The following ESRRB variants were observed in gnomAD, a reference collection of about 807,000 sequenced individuals.
ESRRB encodes the protein estrogen related receptor beta, also known as steroid hormone receptor ERR2.
A neutral mutation model predicts 46.0 loss-of-function variants in ESRRB; 16 were observed. The observed-to-expected ratio is 0.35, with a 90% CI of 0.24 to 0.53. The LOEUF (loss-of-function observed/expected upper bound fraction) is 0.53, where lower values mean the gene tolerates loss of function less well. Among genes scored for constraint, ESRRB ranks in the 20% least tolerant of loss-of-function variants. The pLI is 0.93. For missense variants in ESRRB, 488 were observed against 607.4 expected (o/e 0.80, Z 2.07); for synonymous variants, 246 against 259.6 (o/e 0.95, Z 0.50).
At chr14:76,356,788 A>G (rs1047198510) in intron 1 of ESRRB, among the ~76,000 whole-genome samples, 2 of 152,218 alleles carry the variant, frequency 1.3e-5, no homozygotes, top group African/African-American at 2.4e-5. Flanking sequence ...CCATCAGCGC[A>G]TGGTCCTGCA....
intron 1 of ESRRB, among the ~76,000 whole-genome samples, chr14:76,361,396 C>A (rs1354030840): frequency 6.6e-6 from 1 of 152,150 alleles, no homozygotes; most frequent in East Asian, 1.9e-4. Flanking sequence ...ATTAAATAGC[C>A]ATTATCTCTC....
At chr14:76,357,647 G>A (rs1884398508) in intron 1 of ESRRB, among the ~76,000 whole-genome samples, 1 of 152,148 alleles carries the variant, frequency 6.6e-6, no homozygotes. Flanking sequence ...CCAAGTAGCT[G>A]GTACTATGGC....
chr14:76,444,317 G>A (rs1471741260), intron 2 of ESRRB, among the ~76,000 whole-genome samples: 1 of 152,116 alleles, frequency 6.6e-6, no homozygotes, highest in Non-Finnish European at 1.5e-5. Flanking sequence ...ATAGGCGTGA[G>A]CCACCATACC....
At chr14:76,397,250 C>T (rs796378490) in intron 1 of ESRRB, among the ~76,000 whole-genome samples, 16 of 152,318 alleles carry the variant, frequency 1.1e-4, no homozygotes, top group African/African-American at 3.8e-4. Flanking sequence ...GGCCTGAGCC[C>T]CCCATCTTAC....
At chr14:76,330,128 C>T (rs999852504) in intron 1 of ESRRB, among the ~76,000 whole-genome samples, 1 of 152,068 alleles carries the variant, frequency 6.6e-6, no homozygotes, top group Non-Finnish European at 1.5e-5. Flanking sequence ...CTCTGTGTAC[C>T]CATTCCCCAC....
chr14:76,350,189 C>T (rs1884297268), intron 1 of ESRRB, among the ~76,000 whole-genome samples: 1 of 152,170 alleles, frequency 6.6e-6, no homozygotes, highest in Admixed American at 6.5e-5. Flanking sequence ...TGCTCCTCTC[C>T]CTCCCACATA....
intron 3 of ESRRB, among the ~76,000 whole-genome samples, chr14:76,468,390 G>GCC (rs11310778): frequency 9.9e-6 from 1 of 101,132 alleles, no homozygotes; most frequent in Non-Finnish European, 2.0e-5. Flanking sequence ...TACACACACT[G>GCC]CCCCCCCCCC....
chr14:76,393,697 G>A (rs1308724414), intron 1 of ESRRB, among the ~76,000 whole-genome samples: 1 of 152,210 alleles, frequency 6.6e-6, no homozygotes, highest in African/African-American at 2.4e-5. Flanking sequence ...GCAGATGCCT[G>A]CAAGACTTGA....
rs759483220 is a variant in ESRRB, at chr14:76,498,489, C to T, written c.*31C>T. On this transcript the variant is annotated 3_prime_UTR_variant, in exon 7 of 7. Transcript: ENST00000644823. The stretch of plus-strand genomic sequence containing the variant: ...CCGCACACGGACCAATGCCCACCTA[C>T]AGACAGACAAACGGACAGACCGAGG... The T allele has an allele frequency of 9.9e-6, 16 of 1,612,904 alleles. No individual in the cohort carries two copies. The highest frequency in any genetic ancestry group is 1.4e-5 in the Non-Finnish European group (16 of 1,179,982).
intron 1 of ESRRB, among the ~76,000 whole-genome samples, chr14:76,342,085 G>A (rs1248296108): frequency 6.6e-6 from 1 of 152,186 alleles, no homozygotes; most frequent in African/African-American, 2.4e-5. Flanking sequence ...AGTGATGCGG[G>A]TATACAGAGA....
chr14:76,363,681 T>G (rs1884490074), intron 1 of ESRRB, among the ~76,000 whole-genome samples: 1 of 151,970 alleles, frequency 6.6e-6, no homozygotes, highest in Non-Finnish European at 1.5e-5. Context: ...CCAAAAGGAG[T>G]TGTTCCTAAA....
At chr14:76,381,544 A>G (rs1237487862) in intron 1 of ESRRB, among the ~76,000 whole-genome samples, 1 of 151,974 alleles carries the variant, frequency 6.6e-6, no homozygotes, top group Non-Finnish European at 1.5e-5. Context: ...GTGCTGGGCC[A>G]TTTCTTCTCT....
chr14:76,459,266 C>T (rs1392405165), intron 2 of ESRRB, among the ~76,000 whole-genome samples: 3 of 151,962 alleles, frequency 2.0e-5, no homozygotes, highest in African/African-American at 7.3e-5. Context: ...GTGTGAGCTC[C>T]CCGTGTGTGC....
chr14:76,497,420 C>T (rs1193317802), intron 6 of ESRRB, among the ~76,000 whole-genome samples: 2 of 152,190 alleles, frequency 1.3e-5, no homozygotes, highest in Non-Finnish European at 2.9e-5. Context: ...CTGTGTTTTA[C>T]AGCCGGCTTA....
chr14:76,456,456 A>G (rs1287141366), intron 2 of ESRRB, among the ~76,000 whole-genome samples: 3 of 152,172 alleles, frequency 2.0e-5, no homozygotes, highest in Non-Finnish European at 4.4e-5. Context: ...GTGCAGGACC[A>G]TGGTCGCAAG....
At chr14:76,452,626 A>AAAAAAAAAAAAAAAAAC (rs369877913) in intron 2 of ESRRB, among the ~76,000 whole-genome samples, 3 of 124,278 alleles carry the variant, frequency 2.4e-5, no homozygotes, top group East Asian at 2.1e-4. Flanking sequence ...TCTCCAAAAA[A>AAAAAAAAAAAAAAAAAC]AAAAACAAAA....
At chr14:76,322,419 G>A (rs937616765) in intron 1 of ESRRB, among the ~76,000 whole-genome samples, 2 of 152,264 alleles carry the variant, frequency 1.3e-5, no homozygotes, top group Non-Finnish European at 2.9e-5. Flanking sequence ...AGCTCTTTCC[G>A]AAAGCACGTG....
chr14:76,389,369 C>T (rs1244432704), intron 1 of ESRRB, among the ~76,000 whole-genome samples: 2 of 152,132 alleles, frequency 1.3e-5, no homozygotes, highest in African/African-American at 4.8e-5. Context: ...ATCATGAGGT[C>T]CTAGAGTCCA....
chr14:76,435,510 G>T (rs1887635512), intron 1 of ESRRB, among the ~76,000 whole-genome samples: 2 of 152,188 alleles, frequency 1.3e-5, no homozygotes, highest in Admixed American at 6.5e-5. Context: ...CCTAGAAAAG[G>T]CATGCTGAGG....
Sources: gnomAD v4.1 joint callset for allele counts (sites outside exome capture counted in the v4.1 genomes callset) on GRCh38, gnomAD v4.1.1 for gene constraint, MANE v1.5 for transcripts, NCBI Gene and HGNC (gene_info 2026-07-23, HGNC 2026-07-21) for gene names.